Variants in SLX4 observed in about 807,000 individuals in gnomAD.
SLX4 encodes the protein SLX4 structure-specific endonuclease subunit.
Under a neutral mutation model 146.2 loss-of-function variants are expected in SLX4, and 112 were observed. The ratio of observed to expected loss-of-function variants is 0.77; its 90% CI spans 0.66 to 0.90. The LOEUF is 0.90. SLX4 is among the 40% of genes least tolerant of loss of function. The pLI, the probability that SLX4 is intolerant of heterozygous loss-of-function variation, is 0.00. For synonymous variants in SLX4, 1,061 were observed against 997.7 expected (o/e 1.06, Z -1.20); for missense variants, 2,563 against 2,392.7 (o/e 1.07, Z -1.49).
chr16:3,583,049 G>T, intron 14 of SLX4, 48 bp downstream of exon 14: 1 of 1,610,268 alleles, frequency 6.2e-7, no homozygotes, highest in South Asian at 1.1e-5. Flanking sequence ...ACGCCCACGG[G>T]CCAGAGGATA....
Position 3,602,160 on chromosome 16 carries a change from A to G in SLX4, c.908T>C (p.Leu303Pro). 1 of 1,614,004 alleles carries G rather than the reference A, an allele frequency of 6.2e-7. No individual in the cohort carries two copies. Among genetic ancestry groups the G allele is most frequent in the Admixed American group, 1.7e-5 (1 of 59,998 alleles). ...LFFCQICQKNLSAMNVTRREQ... is the reference protein window; with the variant it reads ...LFFCQICQKNPSAMNVTRREQ... ...CCTTCGGGTCACGTTCATGGCTGAGAGGTTCTTTTGACAAATCTGGCAGAA... is the reference window on the plus strand; with the variant it reads ...CCTTCGGGTCACGTTCATGGCTGAGGGGTTCTTTTGACAAATCTGGCAGAA... Residue 303 changes from leucine (L) to proline (P), a missense_variant, in exon 4 of 15, where the codon CTC becomes CCC. By Grantham distance (98) the Leu-to-Pro change is moderately conservative (BLOSUM62 -3). Transcript: ENST00000294008.
Position 3,597,961 on chromosome 16 carries a change from G to A in SLX4, c.1202C>T (p.Pro401Leu), listed in dbSNP as rs1421346189. Residue 401 changes from proline (P) to leucine (L), a missense_variant, in exon 6 of 15, where the codon CCC becomes CTC. Coordinates refer to ENST00000294008, the MANE Select transcript of SLX4 (RefSeq NM_032444.4). This position sits in a 1 kb window ranked among gnomAD's most constrained non-coding sequence, Gnocchi z 4.4. ...DHSRGLKRRGPTSKKEPRKRR... is the reference protein window; with the variant it reads ...DHSRGLKRRGLTSKKEPRKRR... ...CTTCCGTGGCTCCTTCTTGCTGGTG[G>A]GTCCTCTCCGTTTCAGACCTCTACT... 1 of 1,614,120 alleles carries A rather than the reference G, an allele frequency of 6.2e-7. No homozygotes were observed. Among genetic ancestry groups the A allele is most frequent in the East Asian group, 2.2e-5 (1 of 44,886 alleles).
In SLX4 at chr16:3,590,854, G is replaced by A. The variant is rs372754390; in HGVS notation, c.2784C>T (p.Leu928=). The A allele has an allele frequency of 9.3e-6, 15 of 1,613,982 alleles. No homozygotes were observed. Among genetic ancestry groups the A allele is most frequent in the African/African-American group, 1.3e-5 (1 of 74,894 alleles). Residue 928 remains leucine, a synonymous_variant, in exon 12 of 15, where the codon CTC becomes CTT. Coordinates refer to ENST00000294008, the MANE Select transcript of SLX4 (RefSeq NM_032444.4). This position sits in a 1 kb window ranked among gnomAD's most constrained non-coding sequence, Gnocchi z 4.8. ...CTGAGTGCTGGCCCTGGGGTGGCGG[G>A]AGAGCGCACTGTCCCATCTTCTCCC... is the stretch of plus-strand genomic sequence containing the variant. The part of the protein sequence containing the change: ...TTWEKMGQCA[L]PPPQGQHSGA...
intron 10 of SLX4, among the ~76,000 whole-genome samples, chr16:3,593,656 C>T (rs570346313): frequency 1.3e-5 from 2 of 152,264 alleles, no homozygotes; most frequent in East Asian, 1.9e-4. Flanking sequence ...TCCAGGACCC[C>T]GTTAAGAGTC....
intron 1 of SLX4, among the ~76,000 whole-genome samples, chr16:3,610,891 G>C (rs1435720202): frequency 6.6e-6 from 1 of 152,182 alleles, no homozygotes; most frequent in Non-Finnish European, 1.5e-5. Flanking sequence ...GGCTCACAAG[G>C]GCCTGGAAGG....
At chr16:3,601,971 CG>C in intron 4 of SLX4, 146 bp downstream of exon 4, 1 of 864,672 alleles carries the variant, frequency 1.2e-6, no homozygotes, top group Non-Finnish European at 1.9e-6. Flanking sequence ...TGTATCTCAA[CG>C]AAGTTATTTT....
At position 3,601,140 on chromosome 16, in the gene SLX4, A is replaced by T; in HGVS notation, c.1002T>A (p.Pro334=). Residue 334 remains proline, a synonymous_variant, in exon 5 of 15, where the codon CCT becomes CCA. Transcript: ENST00000294008. ...ACGGTTTCCCACAAATCGGGCACTC[A>T]GGGATCTGAGGCACAGAAGGTCTTA... is the stretch of plus-strand genomic sequence containing the variant. ...KTLRPSVPQI[P]ECPICGKPFL... 6.2e-7 allele frequency: 1 copy of T among 1,614,154 alleles called. No homozygotes were observed. The highest frequency in any genetic ancestry group is 8.5e-7 in the Non-Finnish European group (1 of 1,180,034).
At position 3,601,194 on chromosome 16, in the gene SLX4, G is replaced by A; in HGVS notation, c.951-3C>T. The A allele has an allele frequency of 6.2e-7, 1 of 1,614,014 alleles. No individual in the cohort carries two copies. The highest frequency in any genetic ancestry group is 8.5e-7 in the Non-Finnish European group (1 of 1,180,012). On this transcript the variant is annotated splice_polypyrimidine_tract_variant and splice_region_variant and intron_variant, in intron 4 of 14. Coordinates refer to ENST00000294008, the MANE Select transcript of SLX4 (RefSeq NM_032444.4). ...TCTTTTCAGCTTCATCCAAGCACCT[G>A]AAGGAAAACAGTCAATACAGGAGAA...
In SLX4 at chr16:3,596,269, G is replaced by A. The variant is rs780697002; in HGVS notation, c.1808C>T (p.Ser603Leu). The change falls in exon 8 of 15, where the codon TCG (serine) becomes TTG (leucine). Residue 603 changes from serine to leucine, a missense_variant. Ser to Leu is a moderately radical substitution (Grantham distance 145). Transcript: ENST00000294008. ...AGCGSRGPSP[S>L]ASQREHQALQ... ...GGCCTGGTGCTCCCTCTGGCTGGCC[G>A]AAGGCGACGGGCCCCTGGAGCCACA... 8 of 1,563,844 alleles carry A rather than the reference G, an allele frequency of 5.1e-6. No individual in the cohort carries two copies. Among genetic ancestry groups the A allele is most frequent in the Non-Finnish European group, 6.9e-6 (8 of 1,155,620 alleles).
chr16:3,598,241 A>G (rs771462620), intron 5 of SLX4, among the ~76,000 whole-genome samples: 13 of 152,196 alleles, frequency 8.5e-5, no homozygotes, highest in Non-Finnish European at 1.8e-4. Flanking sequence ...CAGCAGGCTC[A>G]TGGCAGATGT....
intron 9 of SLX4, 118 bp downstream of exon 9, chr16:3,595,487 C>T: frequency 2.6e-6 from 3 of 1,150,546 alleles, no homozygotes; most frequent in Non-Finnish European, 3.8e-6. Flanking sequence ...AAGCAGAGGC[C>T]TTGAGAGGCC....
In SLX4 at chr16:3,593,706, G is replaced by A. The variant is rs568200632; in HGVS notation, c.2160+747C>T. On this transcript the variant is annotated intron_variant, in intron 10 of 14. Transcript: ENST00000294008. ...ATATGGGATCCAGAACTTTGACAAA[G>A]ACTGAGAATAGCTCCCTGAGTTCCT... 4.2e-4 allele frequency among the ~76,000 whole-genome samples: 64 copies of A among 152,196 alleles called. 1 individual carries two copies. Among genetic ancestry groups the A allele is most frequent in the Non-Finnish European group, 7.1e-4 (48 of 68,024 alleles).
At position 3,590,178 on chromosome 16, in the gene SLX4, A is replaced by G. The variant is rs1431936099; in HGVS notation, c.3460T>C (p.Leu1154=). ...KLNEEDEVIL[L]LDSDEELELE... ...TCCAGCTCCTCATCCGAGTCCAGTA[A>G]GAGGATGACCTCATCTTCTTCGTTC... The change falls in exon 12 of 15, where the codon TTA becomes CTA. Residue 1154 remains leucine (L), a synonymous_variant. Transcript: ENST00000294008. This position sits in a 1 kb window ranked among gnomAD's most constrained non-coding sequence, Gnocchi z 4.8. 1.2e-6 allele frequency: 2 copies of G among 1,614,064 alleles called. No homozygotes were observed. Among genetic ancestry groups the G allele is most frequent in the Non-Finnish European group, 1.7e-6 (2 of 1,180,034 alleles).
rs2151139456 is a variant in SLX4 at position 3,608,648 on chromosome 16, G to A, written c.317C>T (p.Pro106Leu). The change falls in exon 2 of 15, where the codon CCT (proline) becomes CTT (leucine). Residue 106 changes from proline (P) to leucine (L), a missense_variant. By Grantham distance (98) the Pro-to-Leu change is moderately conservative. Coordinates refer to ENST00000294008, the MANE Select transcript of SLX4 (RefSeq NM_032444.4). ...TATKTKTLQG[P>L]AEKKPPSGSQ... is the part of the protein sequence containing the mutation. ...GCCAGACGGAGGTTTCTTCTCTGCA[G>A]GGCCTTGAAGGGTTTTGGTCTTGGT... is the stretch of plus-strand genomic sequence containing the variant. The A allele has an allele frequency of 6.2e-7, 1 of 1,614,206 alleles. No individual in the cohort carries two copies. Among genetic ancestry groups the A allele is most frequent in the Non-Finnish European group, 8.5e-7 (1 of 1,180,036 alleles).
Position 3,602,152 on chromosome 16 carries a change from T to A in SLX4, c.916A>T (p.Met306Leu). Residue 306 changes from methionine (M) to leucine (L), a missense_variant, in exon 4 of 15, where the codon ATG becomes TTG. Transcript: ENST00000294008. ...CQICQKNLSA[M>L]NVTRREQHVN... ...TGCTGTTCCCTTCGGGTCACGTTCATGGCTGAGAGGTTCTTTTGACAAATC... is the reference window on the plus strand; with the variant it reads ...TGCTGTTCCCTTCGGGTCACGTTCAAGGCTGAGAGGTTCTTTTGACAAATC... 6.2e-7 allele frequency: 1 copy of A among 1,614,178 alleles called. No individual in the cohort carries two copies. The highest frequency in any genetic ancestry group is 2.2e-5 in the East Asian group (1 of 44,884).
At chr16:3,605,576 C>T (rs1436275535) in intron 3 of SLX4, among the ~76,000 whole-genome samples, 2 of 152,054 alleles carry the variant, frequency 1.3e-5, no homozygotes, top group Non-Finnish European at 2.9e-5. Flanking sequence ...AGGAAGAGTT[C>T]TTTGTGAATA....
rs1349905683 is a variant in SLX4 at position 3,589,906 on chromosome 16, G to A, written c.3732C>T (p.Ser1244=). 1 of 1,613,864 alleles carries A rather than the reference G, an allele frequency of 6.2e-7. No homozygotes were observed. Among genetic ancestry groups the A allele is most frequent in the East Asian group, 2.2e-5 (1 of 44,870 alleles). The change falls in exon 12 of 15, where the codon AGC becomes AGT. Residue 1244 remains serine (S), a synonymous_variant. Transcript: ENST00000294008. The surrounding 1 kb of genome is among the most constrained non-coding windows in gnomAD (Gnocchi z 6.2). The part of the protein sequence containing the change: ...APWLFCDRES[S]PSEASTTDTS... ...TGTCTGTGGTGCTGGCCTCGCTGGG[G>A]CTGCTCTCACGGTCACAGAACAGCC...
At position 3,601,035 on chromosome 16, in the gene SLX4, C is replaced by A; in HGVS notation, c.1107G>T (p.Gln369His). ...KMEVGPQLLLQAVRLQTAQPE... is the reference protein window; with the variant it reads ...KMEVGPQLLLHAVRLQTAQPE... Reference sequence around the variant, plus strand: ...GCTGTGCTGTCTGCAGCCGCACAGCCTGAAGCAGGAGCTGGGGGCCAACCT... The same window carrying A: ...GCTGTGCTGTCTGCAGCCGCACAGCATGAAGCAGGAGCTGGGGGCCAACCT... Residue 369 changes from glutamine to histidine, a missense_variant, in exon 5 of 15, where the codon CAG becomes CAT. By Grantham distance (24) the Gln-to-His change is conservative (BLOSUM62 0). Transcript: ENST00000294008. 6.2e-7 allele frequency: 1 copy of A among 1,614,032 alleles called. No individual in the cohort carries two copies. Among genetic ancestry groups the A allele is most frequent in the Non-Finnish European group, 8.5e-7 (1 of 1,180,034 alleles).
At chr16:3,584,733 G>A (rs753964847) in intron 13 of SLX4, 36 bp downstream of exon 13, 6 of 1,510,604 alleles carry the variant, frequency 4.0e-6, no homozygotes, top group Middle Eastern at 3.7e-4. Context: ...GGAGGGAAAA[G>A]ACCACTGTGG....
Sources: allele counts gnomAD v4.1 joint callset (sites outside exome capture counted in the v4.1 genomes callset), GRCh38; gene constraint gnomAD v4.1.1; non-coding constraint Gnocchi (gnomAD v3.1); transcripts MANE v1.5; gene names NCBI Gene and HGNC (gene_info 2026-07-23, HGNC 2026-07-21).